Variants in MAGI2 observed in about 807,000 individuals in gnomAD.
MAGI2 encodes the protein membrane-associated guanylate kinase, WW and PDZ domain-containing protein 2.
In MAGI2, 35 loss-of-function variants were observed where a neutral mutation model predicts 133.3. The ratio of observed to expected loss-of-function variants is 0.26; its 90% CI spans 0.20 to 0.35. The LOEUF is 0.35. Ranked by LOEUF, MAGI2 falls within the 10% of genes least tolerant of loss-of-function variation. The pLI is 1.00. For missense variants in MAGI2, 1,636 were observed against 1,863.4 expected, an observed-to-expected ratio of 0.88 and a Z score of 2.25; for synonymous variants, 729 against 710.6, an observed-to-expected ratio of 1.03 and a Z score of -0.41.
At chr7:79,295,264 C>A (rs1836842578) in intron 1 of MAGI2, among the ~76,000 whole-genome samples, 1 of 151,964 alleles carries the variant, frequency 6.6e-6, no homozygotes, top group Non-Finnish European at 1.5e-5. Flanking sequence ...TGTCCTCATG[C>A]CCAAAGAAGT....
intron 2 of MAGI2, among the ~76,000 whole-genome samples, chr7:78,857,500 A>T (rs1257484366): frequency 6.6e-6 from 1 of 152,142 alleles, no homozygotes; most frequent in African/African-American, 2.4e-5. Context: ...TTCTGCATCT[A>T]TTGAGATAAT....
At chr7:78,035,868 CTG>C (rs1810165190) in intron 21 of MAGI2, among the ~76,000 whole-genome samples, 1 of 151,964 alleles carries the variant, frequency 6.6e-6, no homozygotes, top group African/African-American at 2.4e-5. Context: ...AAGACAGAAA[CTG>C]TATTCTAAAG....
intron 1 of MAGI2, among the ~76,000 whole-genome samples, chr7:79,019,493 T>A (rs1809068843): frequency 6.6e-6 from 1 of 152,114 alleles, no homozygotes; most frequent in African/African-American, 2.4e-5. Context: ...TGACTAAACC[T>A]CTTTTCTTTA....
At chr7:78,802,464 G>C (rs2151388211) in intron 2 of MAGI2, among the ~76,000 whole-genome samples, 1 of 152,254 alleles carries the variant, frequency 6.6e-6, no homozygotes, top group East Asian at 1.9e-4. Flanking sequence ...ATTTTAAAAA[G>C]ACCTTTTAAG....
At chr7:79,147,746 GGAATGGAGCAGGAGGGACAGGA>G (rs139649470) in intron 1 of MAGI2, among the ~76,000 whole-genome samples, 3,804 of 152,204 alleles carry the variant, frequency 0.025, 162 homozygotes, top group African/African-American at 0.086. Context: ...CTTGCCCCAG[GGAATGGAGCAGGAGGGACAGGA>G]GAATGGAGCA....
At chr7:78,247,624 T>C (rs1044943154) in intron 10 of MAGI2, among the ~76,000 whole-genome samples, 4 of 151,942 alleles carry the variant, frequency 2.6e-5, no homozygotes, top group African/African-American at 9.7e-5. Context: ...AATAGAAATC[T>C]TGGAGCTGAA....
chr7:78,395,175 C>T (rs1357292492), intron 6 of MAGI2, among the ~76,000 whole-genome samples: 3 of 152,024 alleles, frequency 2.0e-5, no homozygotes, highest in Non-Finnish European at 4.4e-5. Context: ...TTTAGTGATT[C>T]TTGTTTAATG....
intron 6 of MAGI2, among the ~76,000 whole-genome samples, chr7:78,400,042 A>G (rs1038674632): frequency 6.6e-6 from 1 of 152,140 alleles, no homozygotes; most frequent in African/African-American, 2.4e-5. Context: ...TAACCTCTAC[A>G]TTTTGTTCAT....
At chr7:78,750,733 C>T (rs764761973) in intron 2 of MAGI2, among the ~76,000 whole-genome samples, 2 of 152,076 alleles carry the variant, frequency 1.3e-5, no homozygotes, top group African/African-American at 2.4e-5. Context: ...AATTGTGAGG[C>T]TGGAGGGCAG....
At chr7:78,482,177 C>A (rs760949378) in intron 6 of MAGI2, among the ~76,000 whole-genome samples, 1 of 151,796 alleles carries the variant, frequency 6.6e-6, no homozygotes, top group South Asian at 2.1e-4. Flanking sequence ...TAGGGAAATG[C>A]AAATTAAAAC....
At chr7:78,827,791 TA>T (rs2151437110) in intron 2 of MAGI2, among the ~76,000 whole-genome samples, 1 of 152,188 alleles carries the variant, frequency 6.6e-6, no homozygotes, top group Admixed American at 6.5e-5. Context: ...TAGAAATAAA[TA>T]GGGGAGAAAA....
intron 17 of MAGI2, among the ~76,000 whole-genome samples, chr7:78,133,285 T>C (rs936038965): frequency 4.6e-5 from 7 of 152,202 alleles, no homozygotes; most frequent in Admixed American, 3.3e-4. Flanking sequence ...ATGAACAGTA[T>C]CTTGTCATTC....
chr7:78,176,029 A>G (rs1826563963), intron 14 of MAGI2, among the ~76,000 whole-genome samples: 1 of 152,126 alleles, frequency 6.6e-6, no homozygotes, highest in Admixed American at 6.5e-5. Context: ...ATTATAAAAC[A>G]AGGTAAGTTA....
chr7:78,681,468 A>G, intron 2 of MAGI2, among the ~76,000 whole-genome samples: 1 of 152,274 alleles, frequency 6.6e-6, no homozygotes, highest in East Asian at 1.9e-4. Context: ...GATAAAACTA[A>G]TAAACTCATT....
chr7:78,872,176 A>G (rs1003802553), intron 2 of MAGI2, among the ~76,000 whole-genome samples: 11 of 151,838 alleles, frequency 7.2e-5, no homozygotes, highest in Admixed American at 2.6e-4. Context: ...GCTAGTTGGT[A>G]AAAAACAGAC....
intron 14 of MAGI2, 104 bp downstream of exon 14, chr7:78,177,907 G>A (rs1417943376): frequency 5.0e-6 from 4 of 802,076 alleles, no homozygotes; most frequent in East Asian, 2.6e-5. Flanking sequence ...CTTTATGAGA[G>A]TCCTAAAACA....
intron 1 of MAGI2, among the ~76,000 whole-genome samples, chr7:79,149,219 G>A (rs765780892): frequency 6.7e-6 from 1 of 149,026 alleles, no homozygotes; most frequent in African/African-American, 2.5e-5. Context: ...AGAGAACCAC[G>A]GTATACTTCT....
rs189299635 is a variant in MAGI2 at position 78,850,013 on chromosome 7, A to C, written c.418+157077T>G. On this transcript the variant is annotated intron_variant, in intron 2 of 21. Transcript: ENST00000354212. ...GTGCCTGACCTGGAGTAGGTAATAA[A>C]TAGTTGCTGAATTTAATTACTTTCC... Among the ~76,000 whole-genome samples the C allele has an allele frequency of 9.1e-4, 138 of 152,220 alleles. 1 individual carries two copies. Among genetic ancestry groups the C allele is most frequent in the Admixed American group, 3.9e-3 (60 of 15,256 alleles).
chr7:78,474,960 A>C (rs1791595761), intron 6 of MAGI2, among the ~76,000 whole-genome samples: 2 of 151,876 alleles, frequency 1.3e-5, no homozygotes, highest in South Asian at 2.1e-4. Flanking sequence ...ATAAAAAAAA[A>C]CCCTGGAAGT....
Sources: gnomAD v4.1 joint callset for allele counts (sites outside exome capture counted in the v4.1 genomes callset) on GRCh38, gnomAD v4.1.1 for gene constraint, MANE v1.5 for transcripts, NCBI Gene and HGNC (gene_info 2026-07-23, HGNC 2026-07-21) for gene names.